TTK: variants seen among roughly 807,000 people sequenced by gnomAD.
TTK encodes the protein dual specificity protein kinase TTK.
In TTK, 59 loss-of-function variants were observed where a neutral mutation model predicts 117.3. That is an observed-to-expected ratio of 0.50 (90% confidence interval 0.41 to 0.62). The LOEUF (loss-of-function observed/expected upper bound fraction) is 0.62, where lower values mean the gene tolerates loss of function less well. TTK is among the 20% of genes least tolerant of loss of function. TTK has a pLI of 0.00. For missense variants in TTK, 921 were observed against 989.4 expected (o/e 0.93, Z 0.93); for synonymous variants, 302 against 325.0 (o/e 0.93, Z 0.76).
intron 9 of TTK, among the ~76,000 whole-genome samples, chr6:80,014,030 A>G (rs77520967): frequency 0.013 from 2,015 of 152,258 alleles, 56 homozygotes; most frequent in African/African-American, 0.046. Context: ...AATTGTGTCA[A>G]AAAGATTGTT....
intron 10 of TTK, among the ~76,000 whole-genome samples, chr6:80,019,201 A>C (rs896247390): frequency 1.3e-5 from 2 of 152,228 alleles, no homozygotes; most frequent in Non-Finnish European, 2.9e-5. Flanking sequence ...ATAAATTACA[A>C]ACTAGCATAA....
rs755017742 is a variant in TTK, at chr6:80,007,915, T to C, written c.246T>C (p.Ala82=). Residue 82 remains alanine (A), a synonymous_variant, in exon 3 of 22, where the codon GCT becomes GCC. Coordinates refer to ENST00000369798, the MANE Select transcript of TTK (RefSeq NM_003318.5). The part of the protein sequence containing the change: ...LEKNSVPLSD[A]LLNKLIGRYS... Reference sequence around the variant, plus strand: ...AAAACAGTGTTCCGCTAAGTGATGCTCTTTTAAATAAATTGATTGGTCGTT... The same window carrying C: ...AAAACAGTGTTCCGCTAAGTGATGCCCTTTTAAATAAATTGATTGGTCGTT... 3.1e-6 allele frequency: 5 copies of C among 1,613,564 alleles called. No individual in the cohort carries two copies. Among genetic ancestry groups the C allele is most frequent in the Middle Eastern group, 1.6e-4 (1 of 6,080 alleles).
At chr6:80,038,229 A>G (rs918991868) in intron 18 of TTK, among the ~76,000 whole-genome samples, 182 bp downstream of exon 18, 1 of 152,166 alleles carries the variant, frequency 6.6e-6, no homozygotes, top group Non-Finnish European at 1.5e-5. Flanking sequence ...TCGTTTGTGA[A>G]TTCTACATTT....
chr6:80,019,965 A>T (rs1767413930), intron 10 of TTK, among the ~76,000 whole-genome samples: 1 of 152,224 alleles, frequency 6.6e-6, no homozygotes, highest in Non-Finnish European at 1.5e-5. Flanking sequence ...TATGAACTTG[A>T]AAAGCATTAG....
chr6:80,035,242 T>C, intron 15 of TTK, 24 bp from the exon 16 acceptor site: 1 of 1,564,524 alleles, frequency 6.4e-7, no homozygotes, highest in Non-Finnish European at 8.6e-7. Context: ...TATTGTTTTG[T>C]TGCTTTTATT....
intron 13 of TTK, among the ~76,000 whole-genome samples, chr6:80,028,750 TATACTA>T (rs1767676888): frequency 6.6e-6 from 1 of 152,214 alleles, no homozygotes; most frequent in Non-Finnish European, 1.5e-5. Context: ...TAGAATGTAT[TATACTA>T]ATAACTAAAC....
At chr6:80,032,630 T>C (rs1275623315) in intron 14 of TTK, among the ~76,000 whole-genome samples, 3 of 151,702 alleles carry the variant, frequency 2.0e-5, no homozygotes, top group Non-Finnish European at 2.9e-5. Context: ...ATTCTTCCAG[T>C]TGATTGAACA....
At chr6:80,038,074 A>T in intron 18 of TTK, 27 bp downstream of exon 18, 1 of 1,511,428 alleles carries the variant, frequency 6.6e-7, no homozygotes, top group Non-Finnish European at 9.1e-7. Context: ...TTACATCACA[A>T]TTATCTGGCA....
Position 80,031,513 on chromosome 6 carries a change from G to T in TTK, c.1568G>T (p.Arg523Ile), listed in dbSNP as rs200239131. The change falls in exon 14 of 22, where the codon AGA (arginine) becomes ATA (isoleucine). Residue 523 changes from arginine to isoleucine, a missense_variant. Coordinates refer to ENST00000369798, the MANE Select transcript of TTK (RefSeq NM_003318.5). ...AATGAATGCATTTCGGTTAAAGGAA[G>T]AATTTATTCCATATTAAAGCAGATA... ...SANECISVKG[R>I]IYSILKQIGS... is the part of the protein sequence containing the mutation. The T allele has an allele frequency of 2.0e-6, 3 of 1,529,598 alleles. No homozygotes were observed. Among genetic ancestry groups the T allele is most frequent in the Non-Finnish European group, 2.6e-6 (3 of 1,144,636 alleles). 94.8% of individuals were successfully genotyped at this position (1,529,598 alleles called of 1,614,324 possible). A position where few individuals can be genotyped will look rare whatever the true frequency, so the allele number is the denominator to read the frequency against.
Position 80,022,502 on chromosome 6 carries a change from T to C in TTK, c.1257+30T>C. On this transcript the variant is annotated intron_variant, in intron 11 of 21. Transcript: ENST00000369798. ...CTTTTCCACTAAAGTACAATATTGC[T>C]TTTTTGTTCATAATGCATTTCCGAA... 4 of 1,602,310 alleles carry C rather than the reference T, an allele frequency of 2.5e-6. 1 individual carries two copies. In the South Asian group the frequency reaches 4.5e-5, roughly 18 times the overall value.
intron 10 of TTK, among the ~76,000 whole-genome samples, chr6:80,017,434 A>G (rs535286220): frequency 6.6e-6 from 1 of 152,230 alleles, no homozygotes; most frequent in African/African-American, 2.4e-5. Context: ...ATGTGCCACC[A>G]TGCCCGGCTA....
In TTK at chr6:80,027,953, C is replaced by T; in HGVS notation, c.1463C>T (p.Pro488Leu). 3 of 1,608,150 alleles carry T rather than the reference C, an allele frequency of 1.9e-6. No homozygotes were observed. Among genetic ancestry groups the T allele is most frequent in the Non-Finnish European group, 2.5e-6 (3 of 1,176,536 alleles). Residue 488 changes from proline to leucine, a missense_variant, in exon 13 of 22, where the codon CCT (proline) becomes CTT (leucine). By Grantham distance (98) the Pro-to-Leu change is moderately conservative. Coordinates refer to ENST00000369798, the MANE Select transcript of TTK (RefSeq NM_003318.5). ...ACQLSTPYGQ[P>L]ACFQQQQHQI... Reference sequence around the variant, plus strand: ...CAGTTGTCAACACCTTATGGCCAACCTGCCTGTTTCCAGCAGCAACAGCAT... The same window carrying T: ...CAGTTGTCAACACCTTATGGCCAACTTGCCTGTTTCCAGCAGCAACAGCAT...
rs200662710 is a variant in TTK at position 80,022,333 on chromosome 6, A to G, written c.1118A>G (p.Glu373Gly). The change falls in exon 11 of 22, where the codon GAG becomes GGG. Residue 373 changes from glutamate (E) to glycine (G), a missense_variant. Transcript: ENST00000369798. ...SLLAKLEETK[E>G]YQEPEVPESN... ...ACAAATACAATTTCAGAAACTAAAG[A>G]GTATCAAGAACCAGAGGTTCCAGAG... is the stretch of plus-strand genomic sequence containing the variant. 7.8e-5 allele frequency: 126 copies of G among 1,609,736 alleles called. 1 individual carries two copies. The highest frequency in any genetic ancestry group is 4.6e-4 in the Admixed American group (27 of 58,934).
In TTK at chr6:80,039,799, A is replaced by T; in HGVS notation, c.2234A>T (p.His745Leu). 2 of 1,587,424 alleles carry T rather than the reference A, an allele frequency of 1.3e-6. No homozygotes were observed. The highest frequency in any genetic ancestry group is 1.8e-5 in the Admixed American group (1 of 56,410). ...ATAATTAATCAGATTTCTAAATTAC[A>T]TGCCATAATTGATCCTAATCATGAA... ...QQIINQISKLHAIIDPNHEIE... is the reference protein window; with the variant it reads ...QQIINQISKLLAIIDPNHEIE... The change falls in exon 19 of 22, where the codon CAT becomes CTT. Residue 745 changes from histidine to leucine, a missense_variant. By Grantham distance (99) the His-to-Leu change is moderately conservative (BLOSUM62 -3). Coordinates refer to ENST00000369798, the MANE Select transcript of TTK (RefSeq NM_003318.5).
At position 80,005,987 on chromosome 6, in the gene TTK, G is replaced by A; in HGVS notation, c.139+5G>A. The A allele has an allele frequency of 6.3e-7, 1 of 1,599,428 alleles. No homozygotes were observed. The highest frequency in any genetic ancestry group is 8.5e-7 in the Non-Finnish European group (1 of 1,176,624). On this transcript the variant is annotated splice_donor_5th_base_variant and intron_variant, in intron 2 of 21. Coordinates refer to ENST00000369798, the MANE Select transcript of TTK (RefSeq NM_003318.5). ...AAATTTCTGCTGATACTACAGGTGAGTTTTTCTTTTCTTTTAAGTTAGTAA... is the reference window on the plus strand; with the variant it reads ...AAATTTCTGCTGATACTACAGGTGAATTTTTCTTTTCTTTTAAGTTAGTAA...
chr6:80,039,607 A>T (rs1767992869), intron 18 of TTK, 89 bp from the exon 19 acceptor site: 1 of 989,834 alleles, frequency 1.0e-6, no homozygotes, highest in Non-Finnish European at 1.4e-6. Context: ...TTTAATTATG[A>T]TTTTAAATAT....
At chr6:80,023,743 A>G (rs1207961886) in intron 11 of TTK, among the ~76,000 whole-genome samples, 1 of 152,272 alleles carries the variant, frequency 6.6e-6, no homozygotes, top group African/African-American at 2.4e-5. Flanking sequence ...TTGGCTTAAC[A>G]GAAGACTAGA....
Position 80,014,542 on chromosome 6 carries a change from C to A in TTK, c.1064C>A (p.Thr355Asn). ...GAACTTATTATTACTGATTCAATAACCCTGAAGAATAAAACGGAATCAAGT... is the reference window on the plus strand; with the variant it reads ...GAACTTATTATTACTGATTCAATAAACCTGAAGAATAAAACGGAATCAAGT... ...SSELIITDSI[T>N]LKNKTESSLL... The change falls in exon 10 of 22, where the codon ACC becomes AAC. Residue 355 changes from threonine (T) to asparagine (N), a missense_variant. Transcript: ENST00000369798. 2 of 1,606,354 alleles carry A rather than the reference C, an allele frequency of 1.2e-6. No individual in the cohort carries two copies. The highest frequency in any genetic ancestry group is 1.1e-5 in the South Asian group (1 of 89,166).
rs141381908 is a variant in TTK at position 80,011,324 on chromosome 6, G to A, written c.614-110G>A. On this transcript the variant is annotated intron_variant, in intron 5 of 21. Coordinates refer to ENST00000369798, the MANE Select transcript of TTK (RefSeq NM_003318.5). ...TTCATGTCTGCATATCTTACTTGGG[G>A]ACAAGTATTTCCTATGAATTGACTT... 958 of 673,496 alleles carry A rather than the reference G, an allele frequency of 1.4e-3. 5 individuals carry two copies. In the African/African-American group the frequency reaches 0.016, roughly 12 times the overall value. The allele number at this position is 673,496 out of a possible 1,614,324, so 41.7% of individuals were successfully genotyped here. A position where few individuals can be genotyped will look rare whatever the true frequency, so the allele number is the denominator to read the frequency against.
Sources: allele counts gnomAD v4.1 joint callset (sites outside exome capture counted in the v4.1 genomes callset), GRCh38; gene constraint gnomAD v4.1.1; transcripts MANE v1.5; gene names NCBI Gene and HGNC (gene_info 2026-07-23, HGNC 2026-07-21).